Variants in COL5A2 observed in about 807,000 individuals in gnomAD.
COL5A2 encodes collagen alpha-2(V) chain.
Under a neutral mutation model 208.2 loss-of-function variants are expected in COL5A2, and 23 were observed. That is an observed-to-expected ratio of 0.11 (90% CI 0.08 to 0.16). COL5A2 has a LOEUF of 0.16. COL5A2 is among the 10% of genes least tolerant of loss of function. The pLI is 1.00. For missense variants in COL5A2, 1,590 were observed against 1,956.4 expected, an observed-to-expected ratio of 0.81 and a Z score of 3.53; for synonymous variants, 625 against 628.5, an observed-to-expected ratio of 0.99 and a Z score of 0.08.
the COL5A2 span, among the ~76,000 whole-genome samples, chr2:189,412,268 G>C: frequency 1.3e-5 from 2 of 152,058 alleles, no homozygotes; most frequent in African/African-American, 4.8e-5. Flanking sequence ...ATAGTAGAGA[G>C]GGAAAAGACA....
At chr2:189,326,046 A>G in the COL5A2 span, among the ~76,000 whole-genome samples, 5,334 of 150,488 alleles carry the variant, frequency 0.035, 109 homozygotes, top group Admixed American at 0.049. Context: ...GCAGTGAGCC[A>G]AGATGGCGCC....
At chr2:189,320,738 TTCTTCAGGTTATTATCCA>T in the COL5A2 span, among the ~76,000 whole-genome samples, 2 of 152,162 alleles carry the variant, frequency 1.3e-5, no homozygotes, top group Non-Finnish European at 2.9e-5. Flanking sequence ...TTGGAAAACA[TTCTTCAGGTTATTATCCA>T]GGAGAACTTC....
chr2:189,433,962 C>T, the COL5A2 span, among the ~76,000 whole-genome samples: 1 of 152,164 alleles, frequency 6.6e-6, no homozygotes. Flanking sequence ...AATCCAGCAG[C>T]ACATCAAAAA....
chr2:189,041,553 G>C (rs1442326533), intron 50 of COL5A2, 33 bp downstream of exon 50: 1 of 1,470,058 alleles, frequency 6.8e-7, no homozygotes, highest in Non-Finnish European at 9.5e-7. Context: ...TGAATAAATA[G>C]CATTTCTTGC....
At chr2:189,304,127 TAA>T in the COL5A2 span, among the ~76,000 whole-genome samples, 3 of 152,194 alleles carry the variant, frequency 2.0e-5, no homozygotes, top group Non-Finnish European at 4.4e-5. Context: ...CCTTTCTAAT[TAA>T]GTTTGCTGTT....
At chr2:189,416,711 CAAT>C in the COL5A2 span, among the ~76,000 whole-genome samples, 1 of 152,188 alleles carries the variant, frequency 6.6e-6, no homozygotes, top group African/African-American at 2.4e-5. Context: ...TAAAGTATAA[CAAT>C]AATAAAATTT....
the COL5A2 span, among the ~76,000 whole-genome samples, chr2:189,253,651 C>G: frequency 9.2e-5 from 14 of 152,196 alleles, no homozygotes; most frequent in African/African-American, 2.9e-4. Flanking sequence ...CAACCTAATC[C>G]CAAGTCCTTG....
At chr2:189,125,229 T>C (rs1336889646) in intron 1 of COL5A2, among the ~76,000 whole-genome samples, 1 of 151,904 alleles carries the variant, frequency 6.6e-6, no homozygotes, top group African/African-American at 2.4e-5. Context: ...GTTGTAGAGG[T>C]TCAACCATAA....
At chr2:189,284,001 A>T in the COL5A2 span, among the ~76,000 whole-genome samples, 1 of 152,146 alleles carries the variant, frequency 6.6e-6, no homozygotes, top group Non-Finnish European at 1.5e-5. Context: ...TCAGAATCAG[A>T]ATCAAGTTTC....
the COL5A2 span, among the ~76,000 whole-genome samples, chr2:189,368,237 T>G: frequency 6.6e-6 from 1 of 152,214 alleles, no homozygotes; most frequent in Non-Finnish European, 1.5e-5. Flanking sequence ...GTTATTGTAT[T>G]TGCAGTCTAG....
intron 1 of COL5A2, among the ~76,000 whole-genome samples, chr2:189,160,592 C>T (rs1688340004): frequency 6.6e-6 from 1 of 151,920 alleles, no homozygotes; most frequent in Admixed American, 6.6e-5. Flanking sequence ...TTTTAATGCA[C>T]AGAGAAGGAA....
At chr2:189,408,631 C>A in the COL5A2 span, among the ~76,000 whole-genome samples, 2 of 152,060 alleles carry the variant, frequency 1.3e-5, no homozygotes, top group Admixed American at 1.3e-4. Context: ...ACTAATTTAT[C>A]TTTTTACTAT....
chr2:189,091,711 T>C (rs1686789655), intron 7 of COL5A2, among the ~76,000 whole-genome samples: 2 of 152,156 alleles, frequency 1.3e-5, no homozygotes, highest in East Asian at 1.9e-4. Flanking sequence ...TTTCACTTTA[T>C]TGAGGTGGTT....
At chr2:189,280,962 C>T in the COL5A2 span, among the ~76,000 whole-genome samples, 1 of 151,690 alleles carries the variant, frequency 6.6e-6, no homozygotes, top group South Asian at 2.1e-4. Context: ...GTAGTTTTTG[C>T]CACTGAAAGT....
rs543463144 is a variant in COL5A2 at position 189,185,303 on chromosome 2, G to A, written c.-42+39845C>T. The stretch of plus-strand genomic sequence containing the variant: ...CTCCCAAAGTGCTGGGATTACAGGC[G>A]TGAGCCCAGTGTGCCCGACCCTAAT... On this transcript the variant is annotated intron_variant, in intron 1 of 10. Coordinates refer to the COL5A2 transcript ENST00000649966. Among the ~76,000 whole-genome samples the A allele has an allele frequency of 3.9e-5, 6 of 152,258 alleles. No homozygotes were observed. The South Asian group carries it at 1.0e-3, about 26-fold the overall frequency.
intron 52 of COL5A2, 138 bp from the exon 53 acceptor site, chr2:189,035,293 A>C: frequency 9.0e-7 from 1 of 1,112,378 alleles, no homozygotes; most frequent in Non-Finnish European, 1.3e-6. Context: ...TCATAAAGTA[A>C]GCTATTCTAG....
the COL5A2 span, among the ~76,000 whole-genome samples, chr2:189,367,195 G>C: frequency 6.6e-6 from 1 of 152,002 alleles, no homozygotes; most frequent in African/African-American, 2.4e-5. Context: ...CATACCCTAG[G>C]AGTATATCTG....
At chr2:189,185,213 T>C (rs1302282510) in intron 1 of COL5A2, among the ~76,000 whole-genome samples, 1 of 152,066 alleles carries the variant, frequency 6.6e-6, no homozygotes, top group African/African-American at 2.4e-5. Context: ...TTAGTAGAGA[T>C]GGGGTTTCAC....
chr2:189,083,122 T>C (rs10178886), intron 12 of COL5A2, among the ~76,000 whole-genome samples: 108,371 of 152,090 alleles, frequency 0.71, 39,596 homozygotes, highest in Non-Finnish European at 0.81. Flanking sequence ...TTATAGGAAA[T>C]ATAATAAATG....
Sources: allele counts gnomAD v4.1 joint callset (sites outside exome capture counted in the v4.1 genomes callset), GRCh38; gene constraint gnomAD v4.1.1; transcripts MANE v1.5; gene names NCBI Gene and HGNC (gene_info 2026-07-23, HGNC 2026-07-21).